Variants in PTPRD observed in about 807,000 individuals in gnomAD.
PTPRD encodes protein tyrosine phosphatase receptor type D.
Under a neutral mutation model 214.5 loss-of-function variants are expected in PTPRD, and 34 were observed. That is an observed-to-expected ratio of 0.16 (90% CI 0.12 to 0.21). The LOEUF (loss-of-function observed/expected upper bound fraction) is 0.21. Ranked by LOEUF, PTPRD falls within the 10% of genes least tolerant of loss-of-function variation. PTPRD has a pLI of 1.00. For missense variants in PTPRD, 2,545 were observed against 2,398.7 expected (o/e 1.06, Z -1.27); for synonymous variants, 1,128 against 845.7 (o/e 1.33, Z -5.79).
chr9:8,401,162 CCTTTT>C (rs1429224033), intron 36 of PTPRD, among the ~76,000 whole-genome samples: 96 of 102,640 alleles, frequency 9.4e-4, no homozygotes, highest in African/African-American at 3.9e-3. Context: ...AAAATATTTA[CCTTTT>C]CTTTTTTTTT....
Position 8,330,107 on chromosome 9 carries a change from G to T in PTPRD, c.5534+1475C>A, listed in dbSNP as rs35627193. Among the ~76,000 whole-genome samples the T allele has an allele frequency of 5.8e-3, 886 of 152,152 alleles. 28 individuals carry two copies. Among genetic ancestry groups the T allele is most frequent in the Admixed American group, 0.042 (647 of 15,280 alleles). On this transcript the variant is annotated intron_variant, in intron 44 of 45. Transcript: ENST00000381196. ...TGTTCCTCGTGGTACAGTCTCTCACGGCTTCCCTTGGCTAGGAAAGGGAAA... is the reference window on the plus strand; with the variant it reads ...TGTTCCTCGTGGTACAGTCTCTCACTGCTTCCCTTGGCTAGGAAAGGGAAA...
rs1445459543 is a variant in PTPRD at position 8,602,877 on chromosome 9, CAT to C, written c.352+30438_352+30439del. ...TTCCATCTCCATCTCTATGCACCTGCATATACTCATTCAACTAATTCATTCAT... is the reference window on the plus strand; with the variant it reads ...TTCCATCTCCATCTCTATGCACCTGCATACTCATTCAACTAATTCATTCAT... On this transcript the variant is annotated intron_variant, in intron 14 of 45. Coordinates refer to ENST00000381196, the MANE Select transcript of PTPRD (RefSeq NM_002839.4). 2.6e-5 allele frequency among the ~76,000 whole-genome samples: 4 copies of C among 152,218 alleles called. No homozygotes were observed. The East Asian group carries it at 7.7e-4, about 29-fold the overall frequency.
chr9:8,553,910 C>G (rs570326728), intron 14 of PTPRD, among the ~76,000 whole-genome samples: 2 of 152,132 alleles, frequency 1.3e-5, no homozygotes, highest in Non-Finnish European at 2.9e-5. Flanking sequence ...ACAGATTAGC[C>G]GGGCGCGGTG....
intron 8 of PTPRD, among the ~76,000 whole-genome samples, chr9:9,462,244 G>C (rs1335679640): frequency 1.3e-5 from 2 of 152,034 alleles, no homozygotes; most frequent in East Asian, 1.9e-4. Flanking sequence ...ATTTTTGAGA[G>C]AAAAGGGAGT....
At chr9:10,316,692 A>T (rs2096442912) in intron 3 of PTPRD, among the ~76,000 whole-genome samples, 1 of 151,950 alleles carries the variant, frequency 6.6e-6, no homozygotes, top group Non-Finnish European at 1.5e-5. Context: ...ACATATCCAT[A>T]CATTTTTCCA....
intron 6 of PTPRD, among the ~76,000 whole-genome samples, chr9:9,747,684 T>C (rs1231127545): frequency 6.6e-6 from 1 of 151,856 alleles, no homozygotes; most frequent in East Asian, 1.9e-4. Flanking sequence ...GTAGCTGGGA[T>C]TACAGGTACC....
rs140241046 is a variant in PTPRD, at chr9:9,598,517, A to C, written c.-286-23736T>G. Among the ~76,000 whole-genome samples the C allele has an allele frequency of 1.3e-3, 202 of 152,168 alleles. 1 individual carries two copies. Among genetic ancestry groups the C allele is most frequent in the African/African-American group, 4.8e-3 (201 of 41,548 alleles). On this transcript the variant is annotated intron_variant, in intron 7 of 45. Coordinates refer to ENST00000381196, the MANE Select transcript of PTPRD (RefSeq NM_002839.4). ...AAAAATAATAAAAAATGTTCATGGT[A>C]GAAAATTATGAAGTTATACAGAATA...
rs535528356 is a variant in PTPRD, at chr9:9,850,232, G to A, written c.-367-83381C>T. 1.6e-4 allele frequency among the ~76,000 whole-genome samples: 25 copies of A among 152,282 alleles called. No homozygotes were observed. In the South Asian group the frequency reaches 4.8e-3, roughly 29 times the overall value. On this transcript the variant is annotated intron_variant, in intron 5 of 45. Coordinates refer to ENST00000381196, the MANE Select transcript of PTPRD (RefSeq NM_002839.4). ...ATACTGAAACGCTAATCTTTCCTGT[G>A]ATGCTTTGTGGGTTTCAGACGCATT...
At chr9:8,647,016 A>G (rs1211258869) in intron 12 of PTPRD, among the ~76,000 whole-genome samples, 1 of 152,244 alleles carries the variant, frequency 6.6e-6, no homozygotes, top group Non-Finnish European at 1.5e-5. Flanking sequence ...TCTATGTGAC[A>G]TACCTTGCCA....
intron 14 of PTPRD, among the ~76,000 whole-genome samples, chr9:8,537,211 C>T (rs910594592): frequency 2.0e-4 from 31 of 151,766 alleles, no homozygotes; most frequent in Admixed American, 1.8e-3. Context: ...GCTAAATCAC[C>T]GTTTTCTAGC....
chr9:8,322,190 A>C (rs1829046557), intron 44 of PTPRD, among the ~76,000 whole-genome samples: 1 of 151,970 alleles, frequency 6.6e-6, no homozygotes, highest in Admixed American at 6.6e-5. Flanking sequence ...TTGAGACACA[A>C]CAATATCGAA....
At chr9:9,264,870 G>C (rs59826912) in intron 9 of PTPRD, among the ~76,000 whole-genome samples, 1 of 148,500 alleles carries the variant, frequency 6.7e-6, no homozygotes. Context: ...CCAGGAGAAA[G>C]TGGAATGACG....
chr9:8,439,989 T>C (rs954342061), intron 34 of PTPRD, among the ~76,000 whole-genome samples: 25 of 136,172 alleles, frequency 1.8e-4, no homozygotes, highest in Non-Finnish European at 1.5e-5. Context: ...CCAGACCAAT[T>C]AATTCAGGTC....
chr9:8,423,231 C>T (rs970660322), intron 35 of PTPRD, among the ~76,000 whole-genome samples: 1 of 152,134 alleles, frequency 6.6e-6, no homozygotes, highest in African/African-American at 2.4e-5. Flanking sequence ...CTCGTCAATC[C>T]GGCTCAATAA....
At chr9:9,913,787 C>T (rs569231873) in intron 5 of PTPRD, among the ~76,000 whole-genome samples, 106 of 152,238 alleles carry the variant, frequency 7.0e-4, no homozygotes, top group Non-Finnish European at 1.4e-3. Flanking sequence ...GAATTCATTA[C>T]CCTGGATTAG....
chr9:9,733,792 A>G (rs1190298551), intron 7 of PTPRD, among the ~76,000 whole-genome samples: 1 of 152,214 alleles, frequency 6.6e-6, no homozygotes, highest in Non-Finnish European at 1.5e-5. Flanking sequence ...GTATTAAATG[A>G]GATAAAATGT....
At chr9:10,519,668 G>T (rs1488218489) in intron 2 of PTPRD, among the ~76,000 whole-genome samples, 4 of 152,038 alleles carry the variant, frequency 2.6e-5, no homozygotes, top group Admixed American at 2.6e-4. Context: ...TTTTGCAATA[G>T]CATGTGCTCA....
At chr9:9,867,447 C>A (rs1297348259) in intron 5 of PTPRD, among the ~76,000 whole-genome samples, 2 of 151,646 alleles carry the variant, frequency 1.3e-5, no homozygotes, top group Non-Finnish European at 2.9e-5. Context: ...AGATATTCTG[C>A]ATGATTAAAT....
chr9:8,426,263 G>C (rs2131880155), intron 35 of PTPRD, among the ~76,000 whole-genome samples: 1 of 152,278 alleles, frequency 6.6e-6, no homozygotes, highest in East Asian at 1.9e-4. Flanking sequence ...AAGGTTCTGA[G>C]AGGTAAAGCA....
Sources: allele counts gnomAD v4.1 joint callset (sites outside exome capture counted in the v4.1 genomes callset), GRCh38; gene constraint gnomAD v4.1.1; transcripts MANE v1.5; gene names NCBI Gene and HGNC (gene_info 2026-07-23, HGNC 2026-07-21).